Variants in IRAG2 observed in about 807,000 individuals in gnomAD.
IRAG2 encodes lymphoid restricted membrane protein.
Under a neutral mutation model 69.9 loss-of-function variants are expected in IRAG2, and 45 were observed. The ratio of observed to expected loss-of-function variants is 0.64; its 90% CI spans 0.51 to 0.83. IRAG2 has a LOEUF of 0.83. Among genes scored for constraint, IRAG2 ranks in the 40% least tolerant of loss-of-function variants. The pLI, the probability that IRAG2 is intolerant of heterozygous loss-of-function variation, is 0.00. For missense variants in IRAG2, 520 were observed against 587.0 expected, an observed-to-expected ratio of 0.89 and a Z score of 1.18; for synonymous variants, 193 against 202.4, an observed-to-expected ratio of 0.95 and a Z score of 0.40.
intron 10 of IRAG2, among the ~76,000 whole-genome samples, chr12:25,086,507 C>G (rs1947616052): frequency 6.6e-6 from 1 of 152,130 alleles, no homozygotes; most frequent in African/African-American, 2.4e-5. Flanking sequence ...TTTTTGAAAG[C>G]TGACATATAT....
In IRAG2 at chr12:25,053,088, G is replaced by C. The variant is rs1944954809; in HGVS notation, c.-447+132G>C. ...TATGACAATGAAATGGTTTGAGAAG[G>C]CAATATTGTGGGGCTTTCAGAGAGG... On this transcript the variant is annotated intron_variant, in intron 1 of 21. Coordinates refer to ENST00000556887, the MANE Select transcript of IRAG2 (RefSeq NM_001366544.2). The C allele has an allele frequency of 7.6e-6, 3 of 395,020 alleles. No homozygotes were observed. The East Asian group carries it at 1.1e-4, about 14-fold the overall frequency. 24.5% of individuals were successfully genotyped at this position (395,020 alleles called of 1,614,324 possible). A position where few individuals can be genotyped will look rare whatever the true frequency, so the allele number is the denominator to read the frequency against.
chr12:25,050,552 C>CA (rs1230165053), upstream of IRAG2, among the ~76,000 whole-genome samples: 17 of 99,464 alleles, frequency 1.7e-4, no homozygotes, highest in African/African-American at 3.1e-4. Flanking sequence ...AACAAACAAA[C>CA]AAAAAAAAAC....
chr12:25,015,112 A>AAAAAAAAAAAAAT, intron 3 of IRAG2: 2 of 359,392 alleles, frequency 5.6e-6, no homozygotes, highest in Non-Finnish European at 7.6e-6. Context: ...AAAAAAAAAA[A>AAAAAAAAAAAAAT]GACAAAACTT....
upstream of IRAG2, among the ~76,000 whole-genome samples, chr12:25,003,969 T>C (rs1944411800): frequency 2.0e-5 from 3 of 152,220 alleles, 1 homozygote; most frequent in South Asian, 6.2e-4. Context: ...GAATCTGAGC[T>C]GTGGCATTTA....
chr12:25,005,956 G>A (rs1488875580), intron 2 of IRAG2, among the ~76,000 whole-genome samples: 2 of 152,214 alleles, frequency 1.3e-5, no homozygotes, highest in Middle Eastern at 3.4e-3. Context: ...TCTACAGAGA[G>A]GTAGAAGATA....
chr12:25,009,178 C>T (rs150435561), intron 2 of IRAG2, among the ~76,000 whole-genome samples: 26 of 152,104 alleles, frequency 1.7e-4, no homozygotes, highest in Non-Finnish European at 2.5e-4. Context: ...TGGTGGCACA[C>T]GCCTGTAATC....
intron 6 of IRAG2, among the ~76,000 whole-genome samples, chr12:25,076,984 TCCCATCTCACCCTCCCAA>T (rs2140076760): frequency 6.6e-6 from 1 of 150,950 alleles, no homozygotes; most frequent in East Asian, 2.0e-4. Flanking sequence ...CAAGCAATCC[TCCCATCTCACCCTCCCAA>T]GTAGCTGCAA....
In IRAG2 at chr12:25,027,472, G is replaced by A. The variant is rs185974987; in HGVS notation, c.1461+606G>A. On this transcript the variant is annotated intron_variant, in intron 9 of 38. Transcript: ENST00000636465. ...TGCAGTGGTGCAATCTTGGCTCACT[G>A]CAAGCTCTGCCTTCCGTGTTCACGC... Among the ~76,000 whole-genome samples the A allele has an allele frequency of 3.6e-3, 540 of 148,030 alleles. 4 individuals carry two copies. The highest frequency in any genetic ancestry group is 0.013 in the African/African-American group (527 of 39,950).
intron 20 of IRAG2, among the ~76,000 whole-genome samples, chr12:25,105,842 T>C (rs78365939): frequency 0.014 from 2,187 of 152,276 alleles, 103 homozygotes; most frequent in East Asian, 0.12. Flanking sequence ...TTCCCATAGA[T>C]GTTTGAATGA....
chr12:25,103,991 T>C lies in IRAG2; in HGVS notation c.997-18T>C. On this transcript the variant is annotated intron_variant, in intron 18 of 21. Transcript: ENST00000556887. Reference sequence around the variant, plus strand: ...GTATATTTTATCATTTCTTTTAACATTTGAACTTCTACTAAAGGTGGCTGG... The same window carrying C: ...GTATATTTTATCATTTCTTTTAACACTTGAACTTCTACTAAAGGTGGCTGG... The C allele has an allele frequency of 1.2e-6, 2 of 1,612,222 alleles. No homozygotes were observed. Among genetic ancestry groups the C allele is most frequent in the Non-Finnish European group, 1.7e-6 (2 of 1,178,586 alleles).
At chr12:25,018,754 TATATC>T (rs1226415842) in intron 6 of IRAG2, among the ~76,000 whole-genome samples, 1 of 152,216 alleles carries the variant, frequency 6.6e-6, no homozygotes, top group African/African-American at 2.4e-5. Context: ...AGTCAAGAAA[TATATC>T]AGAAAGGAAT....
At chr12:25,045,575 A>C (rs549414334) in intron 16 of IRAG2, among the ~76,000 whole-genome samples, 6 of 152,176 alleles carry the variant, frequency 3.9e-5, no homozygotes, top group African/African-American at 1.4e-4. Context: ...AAGGATTATA[A>C]AAGACTAGTA....
chr12:25,034,173 A>C (rs1944688899), intron 13 of IRAG2, among the ~76,000 whole-genome samples: 1 of 152,230 alleles, frequency 6.6e-6, no homozygotes, highest in South Asian at 2.1e-4. Context: ...GGAAGTGTGC[A>C]TTCAGGGACT....
In IRAG2 at chr12:25,089,660, C is replaced by T. The variant is rs753370588; in HGVS notation, c.420C>T (p.Asn140=). The change falls in exon 12 of 22, where the codon AAC becomes AAT. Residue 140 remains asparagine (N), a synonymous_variant. Transcript: ENST00000556887. ...CTGTAACCACTGTGAAATCGGTTAA[C>T]CTTAGACAAAGTGAGAAGTAAGTGC... ...PLPVTTVKSV[N]LRQSENTSAN... 14 of 1,605,776 alleles carry T rather than the reference C, an allele frequency of 8.7e-6. No homozygotes were observed. The highest frequency in any genetic ancestry group is 4.5e-5 in the East Asian group (2 of 44,854).
upstream of IRAG2, among the ~76,000 whole-genome samples, chr12:25,002,686 G>A (rs546894733): frequency 2.7e-5 from 4 of 146,564 alleles, no homozygotes; most frequent in African/African-American, 2.6e-5. Flanking sequence ...CTGTCCCCCC[G>A]GCTAGAGTGC....
chr12:25,073,421 G>T (rs919249292), intron 6 of IRAG2, among the ~76,000 whole-genome samples: 9 of 152,206 alleles, frequency 5.9e-5, no homozygotes, highest in Admixed American at 2.0e-4. Flanking sequence ...CACTGAGAGT[G>T]AGCACTCAAT....
chr12:25,096,035 T>C (rs370152077), intron 14 of IRAG2, among the ~76,000 whole-genome samples: 5 of 152,348 alleles, frequency 3.3e-5, no homozygotes, highest in African/African-American at 1.2e-4. Flanking sequence ...TTATCCTTCA[T>C]TGAGCACCAA....
At chr12:25,007,539 G>T (rs1284311595) in intron 2 of IRAG2, among the ~76,000 whole-genome samples, 2 of 152,116 alleles carry the variant, frequency 1.3e-5, no homozygotes, top group African/African-American at 4.8e-5. Flanking sequence ...TTGATTGATT[G>T]AGACAGAGTC....
chr12:25,054,098 C>T (rs1945061184), intron 1 of IRAG2, among the ~76,000 whole-genome samples: 1 of 152,048 alleles, frequency 6.6e-6, no homozygotes, highest in Admixed American at 6.6e-5. Flanking sequence ...ATAAATAAAA[C>T]ATTAAAATAG....
Sources: gnomAD v4.1 joint callset for allele counts (sites outside exome capture counted in the v4.1 genomes callset) on GRCh38, gnomAD v4.1.1 for gene constraint, MANE v1.5 for transcripts, NCBI Gene and HGNC (gene_info 2026-07-23, HGNC 2026-07-21) for gene names.